ZNF778: variants seen among roughly 807,000 people sequenced by gnomAD.
ZNF778 encodes the protein zinc finger protein 778.
A neutral mutation model predicts 23.9 loss-of-function variants in ZNF778; 37 were observed. The ratio of observed to expected loss-of-function variants is 1.54; its 90% CI spans 1.19 to 2.03. The LOEUF (loss-of-function observed/expected upper bound fraction) is 2.03, where lower values mean the gene tolerates loss of function less well. Ranked by LOEUF, ZNF778 falls within the 30% of genes most tolerant of loss-of-function variation. The pLI is 0.00. For missense variants in ZNF778, 1,297 were observed against 934.4 expected (o/e 1.39, Z -5.06); for synonymous variants, 483 against 343.9 (o/e 1.40, Z -4.48).
At position 89,230,832 on chromosome 16, in the gene ZNF778, C is replaced by T. The variant is rs1476520362; in HGVS notation, c.*2270C>T. On this transcript the variant is annotated 3_prime_UTR_variant, in exon 7 of 7. Coordinates refer to ENST00000433976, the MANE Select transcript of ZNF778 (RefSeq NM_001201407.2). ...AACAATAAATCCTGGATGGACAGAC[C>T]CGTGCACCTTCATATTACGTGTTTG... is the stretch of plus-strand genomic sequence containing the variant. 1 of 152,190 alleles carries T rather than the reference C, an allele frequency of 6.6e-6. No homozygotes were observed. The highest frequency in any genetic ancestry group is 1.5e-5 in the Non-Finnish European group (1 of 68,070). 9.4% of individuals were successfully genotyped at this position (152,190 alleles called of 1,614,324 possible).
At position 89,234,279 on chromosome 16, in the gene ZNF778, A is replaced by C. The variant is rs186429060; in HGVS notation, c.*5717A>C. The C allele has an allele frequency of 1.0e-4, 35 of 348,042 alleles. No individual in the cohort carries two copies. The highest frequency in any genetic ancestry group is 5.4e-4 in the African/African-American group (25 of 46,722). The allele number at this position is 348,042 out of a possible 1,614,324, so 21.6% of individuals were successfully genotyped here. A position where few individuals can be genotyped will look rare whatever the true frequency, so the allele number is the denominator to read the frequency against. ...TACCCAGCCCAGGGATTCTTGAACTATCTGTAGGAACTGCCATGTTGACTC... is the reference window on the plus strand; with the variant it reads ...TACCCAGCCCAGGGATTCTTGAACTCTCTGTAGGAACTGCCATGTTGACTC... On this transcript the variant is annotated 3_prime_UTR_variant, in exon 7 of 7. Transcript: ENST00000433976.
chr16:89,220,924 A>G lies in ZNF778; in HGVS notation c.-131-73A>G, dbSNP rs2151628804. On this transcript the variant is annotated intron_variant, in intron 1 of 6. Coordinates refer to ENST00000433976, the MANE Select transcript of ZNF778 (RefSeq NM_001201407.2). Reference sequence around the variant, plus strand: ...AGTGGATATAGTGGCTTTCACATATATCATCTGCAGAAACAAGCTAATGCG... The same window carrying G: ...AGTGGATATAGTGGCTTTCACATATGTCATCTGCAGAAACAAGCTAATGCG... The G allele has an allele frequency of 1.4e-5, 8 of 586,276 alleles. No homozygotes were observed. In the South Asian group the frequency reaches 1.6e-4, roughly 11 times the overall value. 36.3% of individuals were successfully genotyped at this position (586,276 alleles called of 1,614,324 possible). A position where few individuals can be genotyped will look rare whatever the true frequency, so the allele number is the denominator to read the frequency against.
chr16:89,227,098 A>G lies in ZNF778; in HGVS notation c.810A>G (p.Thr270=). ...TAACTCACTCCATGGGCTGCGCCAC[A>G]CCTGTTGAAATGCATGCCGTCAGGA... ...KALTHSMGCA[T]PVEMHAVRNP... Residue 270 remains threonine, a synonymous_variant, in exon 7 of 7, where the codon ACA becomes ACG. Transcript: ENST00000433976. 6.2e-7 allele frequency: 1 copy of G among 1,613,986 alleles called. No individual in the cohort carries two copies. Among genetic ancestry groups the G allele is most frequent in the South Asian group, 1.1e-5 (1 of 91,082 alleles).
chr16:89,221,533 C>T (rs570140326), intron 2 of ZNF778, among the ~76,000 whole-genome samples: 60 of 151,598 alleles, frequency 4.0e-4, no homozygotes, highest in Non-Finnish European at 8.0e-4. Context: ...GTGTGTTTTC[C>T]TGAGGCACTG....
In ZNF778 at chr16:89,237,120, T is replaced by G. The variant is rs1159873765; in HGVS notation, c.*8558T>G. 1.3e-5 allele frequency: 2 copies of G among 151,338 alleles called. No homozygotes were observed. The highest frequency in any genetic ancestry group is 2.0e-4 in the East Asian group (1 of 5,092). 9.4% of individuals were successfully genotyped at this position (151,338 alleles called of 1,614,324 possible). ...ATACTAAAATGGTCCAATATGTTAA[T>G]TAAAACATACTACTAAAAAAAGTGT... On this transcript the variant is annotated 3_prime_UTR_variant, in exon 7 of 7. Transcript: ENST00000433976.
intron 5 of ZNF778, among the ~76,000 whole-genome samples, chr16:89,225,113 T>C (rs1370438171): frequency 1.2e-3 from 1 of 866 alleles, no homozygotes; most frequent in East Asian, 0.062. Flanking sequence ...GTTTGTGGGT[T>C]TTTTTTTTTT....
intron 1 of ZNF778, among the ~76,000 whole-genome samples, chr16:89,220,513 C>A (rs1162556676): frequency 6.6e-6 from 1 of 152,158 alleles, no homozygotes; most frequent in South Asian, 2.1e-4. Flanking sequence ...AAAAAATTAG[C>A]TGGGTGTGGT....
Position 89,235,000 on chromosome 16 carries a change from C to T in ZNF778, c.*6438C>T, listed in dbSNP as rs1455665878. 1 of 152,150 alleles carries T rather than the reference C, an allele frequency of 6.6e-6. No homozygotes were observed. Among genetic ancestry groups the T allele is most frequent in the Non-Finnish European group, 1.5e-5 (1 of 68,030 alleles). 9.4% of individuals were successfully genotyped at this position (152,150 alleles called of 1,614,324 possible). On this transcript the variant is annotated 3_prime_UTR_variant, in exon 7 of 7. Coordinates refer to ENST00000433976, the MANE Select transcript of ZNF778 (RefSeq NM_001201407.2). ...TATCTTCATCAGAAATTTCTTTTCT[C>T]CTAAGGCCTTAAATATGCTGTACTA...
Position 89,226,782 on chromosome 16 carries a change from G to T in ZNF778, c.494G>T (p.Arg165Ile). 2 of 1,614,010 alleles carry T rather than the reference G, an allele frequency of 1.2e-6. No homozygotes were observed. The highest frequency in any genetic ancestry group is 1.7e-6 in the Non-Finnish European group (2 of 1,179,882). The part of the protein sequence containing the change: ...SEHSGLSTHV[R>I]TQNTGDSCVS... ...CACTCAGGCCTCAGCACACACGTGA[G>T]AACTCAAAATACAGGAGACAGTTGT... The change falls in exon 7 of 7, where the codon AGA (arginine) becomes ATA (isoleucine). Residue 165 changes from arginine (R) to isoleucine (I), a missense_variant. Physicochemically the swap from Arg to Ile is moderately conservative, Grantham distance 97. Coordinates refer to ENST00000433976, the MANE Select transcript of ZNF778 (RefSeq NM_001201407.2).
intron 3 of ZNF778, among the ~76,000 whole-genome samples, chr16:89,222,734 T>A (rs1451401402): frequency 7.2e-5 from 11 of 152,176 alleles, no homozygotes; most frequent in Non-Finnish European, 1.6e-4. Context: ...CTCTGACACA[T>A]GGTAAGGAAG....
chr16:89,229,305 G>T lies in ZNF778; in HGVS notation c.*743G>T, dbSNP rs1022454093. 8 of 985,190 alleles carry T rather than the reference G, an allele frequency of 8.1e-6. No homozygotes were observed. Among genetic ancestry groups the T allele is most frequent in the African/African-American group, 1.8e-5 (1 of 57,104 alleles). The allele number at this position is 985,190 out of a possible 1,614,324, so 61.0% of individuals were successfully genotyped here. On this transcript the variant is annotated 3_prime_UTR_variant, in exon 7 of 7. Coordinates refer to ENST00000433976, the MANE Select transcript of ZNF778 (RefSeq NM_001201407.2). ...GTCTTGAGGATCCAGATGTGATTCTGTGAGCAGTGTAAGCTCTGGTTGGTT... is the reference window on the plus strand; with the variant it reads ...GTCTTGAGGATCCAGATGTGATTCTTTGAGCAGTGTAAGCTCTGGTTGGTT...
intron 1 of ZNF778, among the ~76,000 whole-genome samples, chr16:89,218,623 C>T (rs1322122512): frequency 6.6e-6 from 1 of 151,630 alleles, no homozygotes; most frequent in Admixed American, 6.6e-5. Context: ...AACCCCATCT[C>T]TACTAAAAAT....
chr16:89,227,277 T>G lies in ZNF778; in HGVS notation c.989T>G (p.Ile330Ser). The change falls in exon 7 of 7, where the codon ATT (isoleucine) becomes AGT (serine). Residue 330 changes from isoleucine (I) to serine (S), a missense_variant. Ile to Ser is a moderately radical substitution (Grantham distance 142). Transcript: ENST00000433976. Reference protein sequence around the residue: ...VSSSLTQHVRIHAAEKPCECK... With the variant: ...VSSSLTQHVRSHAAEKPCECK... ...TCCAGCCTAACTCAACATGTAAGAA[T>G]TCATGCTGCAGAGAAACCCTGTGAA... The G allele has an allele frequency of 6.2e-7, 1 of 1,613,956 alleles. No individual in the cohort carries two copies. The highest frequency in any genetic ancestry group is 8.5e-7 in the Non-Finnish European group (1 of 1,179,848).
chr16:89,225,572 A>T lies in ZNF778; in HGVS notation c.346A>T (p.Lys116Ter). The T allele has an allele frequency of 6.2e-7, 1 of 1,611,446 alleles. No homozygotes were observed. The highest frequency in any genetic ancestry group is 8.5e-7 in the Non-Finnish European group (1 of 1,178,522). ...AVLQEWRLKT[K>*]GPALRQDRSW... ...CTTTTCAGAATGGCGACTTAAAACC[A>T]AAGGGCCAGCACTTCGGCAGGATAG... The change falls in exon 6 of 7, where the codon AAA (lysine) becomes TAA (stop). Residue 116 changes from lysine (K) to a stop codon, truncating the protein, a stop_gained. Transcript: ENST00000433976. LOFTEE classifies it high-confidence loss of function.
At chr16:89,222,500 A>G (rs1416095816) in intron 3 of ZNF778, among the ~76,000 whole-genome samples, 1 of 152,170 alleles carries the variant, frequency 6.6e-6, no homozygotes, top group Non-Finnish European at 1.5e-5. Context: ...AGTAGCTGGG[A>G]TTACAAGTGC....
chr16:89,219,370 A>G (rs2030693864), intron 1 of ZNF778, among the ~76,000 whole-genome samples: 1 of 152,168 alleles, frequency 6.6e-6, no homozygotes, highest in Admixed American at 6.5e-5. Context: ...ATGAACTTGT[A>G]ATTGAATTCA....
chr16:89,225,729 C>G lies in ZNF778; in HGVS notation c.405+98C>G, dbSNP rs528004280. On this transcript the variant is annotated intron_variant, in intron 6 of 6. Coordinates refer to ENST00000433976, the MANE Select transcript of ZNF778 (RefSeq NM_001201407.2). Reference sequence around the variant, plus strand: ...GCAAAATTGAGAGAATTTAGAGAAGCAGGATTCACTCAGGCAGGGGTTGTC... The same window carrying G: ...GCAAAATTGAGAGAATTTAGAGAAGGAGGATTCACTCAGGCAGGGGTTGTC... The G allele has an allele frequency of 3.6e-6, 4 of 1,119,608 alleles. No homozygotes were observed. The South Asian group carries it at 4.1e-5, about 11-fold the overall frequency. The allele number at this position is 1,119,608 out of a possible 1,614,324, so 69.4% of individuals were successfully genotyped here. A position where few individuals can be genotyped will look rare whatever the true frequency, so the allele number is the denominator to read the frequency against.
chr16:89,234,083 C>G lies in ZNF778; in HGVS notation c.*5521C>G. 6 of 610,196 alleles carry G rather than the reference C, an allele frequency of 9.8e-6. No homozygotes were observed. Among genetic ancestry groups the G allele is most frequent in the Non-Finnish European group, 1.6e-5 (6 of 367,944 alleles). 37.8% of individuals were successfully genotyped at this position (610,196 alleles called of 1,614,324 possible). A position where few individuals can be genotyped will look rare whatever the true frequency, so the allele number is the denominator to read the frequency against. ...CCCAGCTCTGCAGCTCCCCTTGGGC[C>G]CTGCCTGGAGTGATGTGCCGCCTTC... On this transcript the variant is annotated 3_prime_UTR_variant, in exon 7 of 7. Transcript: ENST00000433976.
rs772048314 is a variant in ZNF778, at chr16:89,228,104, G to C, written c.1816G>C (p.Glu606Gln). Residue 606 changes from glutamate to glutamine, a missense_variant, in exon 7 of 7, where the codon GAG (glutamate) becomes CAG (glutamine). Glu to Gln is a conservative substitution (Grantham distance 29). Transcript: ENST00000433976. ...ATTCACTGTTTCTTCGAGCCTAACC[G>C]AGCACATACGAACTCACACTGGAGA... ...KTFTVSSSLT[E>Q]HIRTHTGEKP... The C allele has an allele frequency of 6.2e-7, 1 of 1,612,948 alleles. No homozygotes were observed. The highest frequency in any genetic ancestry group is 8.5e-7 in the Non-Finnish European group (1 of 1,179,118).
Sources: allele counts gnomAD v4.1 joint callset (sites outside exome capture counted in the v4.1 genomes callset), GRCh38; gene constraint gnomAD v4.1.1; transcripts MANE v1.5; gene names NCBI Gene and HGNC (gene_info 2026-07-23, HGNC 2026-07-21).